Variants in TRPC4AP observed in about 807,000 individuals in gnomAD.
TRPC4AP encodes the protein short transient receptor potential channel 4-associated protein.
Under a neutral mutation model 99.0 loss-of-function variants are expected in TRPC4AP, and 45 were observed. The ratio of observed to expected loss-of-function variants is 0.45; its 90% CI spans 0.36 to 0.58. TRPC4AP has a LOEUF of 0.58. Among genes scored for constraint, TRPC4AP ranks in the 20% least tolerant of loss-of-function variants. The pLI, the probability that TRPC4AP is intolerant of heterozygous loss-of-function variation, is 0.00. For synonymous variants in TRPC4AP, 408 were observed against 385.8 expected (o/e 1.06, Z -0.67); for missense variants, 879 against 985.3 (o/e 0.89, Z 1.44).
intron 3 of TRPC4AP, among the ~76,000 whole-genome samples, chr20:35,068,881 G>A (rs1310729473): frequency 1.3e-5 from 2 of 150,802 alleles, no homozygotes; most frequent in African/African-American, 2.4e-5. Context: ...TAGTGTAGCC[G>A]TGTATATGGT....
chr20:35,062,471 T>C (rs1482789798), intron 3 of TRPC4AP, among the ~76,000 whole-genome samples: 1 of 152,208 alleles, frequency 6.6e-6, no homozygotes, highest in Non-Finnish European at 1.5e-5. Context: ...ATGTGGTCTA[T>C]CCATACAGTG....
intron 7 of TRPC4AP, among the ~76,000 whole-genome samples, chr20:35,038,989 G>A (rs531138281): frequency 6.6e-6 from 1 of 152,268 alleles, no homozygotes; most frequent in East Asian, 1.9e-4. Context: ...CACGAGAATC[G>A]CTTGAACCAG....
At chr20:35,060,639 A>G (rs942231057) in intron 3 of TRPC4AP, among the ~76,000 whole-genome samples, 1 of 151,462 alleles carries the variant, frequency 6.6e-6, no homozygotes, top group East Asian at 1.9e-4. Context: ...CCATGACACT[A>G]TGACAAAGTG....
intron 8 of TRPC4AP, among the ~76,000 whole-genome samples, chr20:35,033,597 T>C (rs923968076): frequency 2.6e-5 from 4 of 152,182 alleles, no homozygotes; most frequent in African/African-American, 9.7e-5. Context: ...ATTTTTGAAA[T>C]TGAGCTTTGT....
chr20:35,004,673 G>C, intron 16 of TRPC4AP, 103 bp from the exon 17 acceptor site: 1 of 872,530 alleles, frequency 1.1e-6, no homozygotes, highest in Non-Finnish European at 1.8e-6. Flanking sequence ...CTGAAGCTAG[G>C]AGCTCATCAT....
At chr20:35,082,436 C>T (rs912379577) in intron 1 of TRPC4AP, among the ~76,000 whole-genome samples, 2 of 151,938 alleles carry the variant, frequency 1.3e-5, no homozygotes, top group African/African-American at 4.8e-5. Context: ...TTATAAAATC[C>T]CCATGTTTGG....
chr20:35,091,199 G>C (rs1181294306), intron 1 of TRPC4AP, among the ~76,000 whole-genome samples: 1 of 151,828 alleles, frequency 6.6e-6, no homozygotes, highest in Non-Finnish European at 1.5e-5. Flanking sequence ...CGTGTTGCCT[G>C]GGCTGGTCTC....
chr20:35,042,410 A>G (rs571654283), intron 7 of TRPC4AP, among the ~76,000 whole-genome samples: 2 of 152,228 alleles, frequency 1.3e-5, no homozygotes, highest in African/African-American at 2.4e-5. Flanking sequence ...TCAGGAGAGG[A>G]GGCTGCTCTG....
chr20:35,048,340 T>A (rs1036743384), intron 6 of TRPC4AP, among the ~76,000 whole-genome samples: 2 of 151,934 alleles, frequency 1.3e-5, no homozygotes, highest in East Asian at 3.9e-4. Context: ...GCCTCCCAAG[T>A]AGCTGGGACT....
intron 2 of TRPC4AP, 46 bp downstream of exon 2, chr20:35,078,000 C>T (rs374714604): frequency 6.5e-7 from 1 of 1,531,206 alleles, no homozygotes; most frequent in Non-Finnish European, 8.8e-7. Context: ...CATCTTGTGT[C>T]ACCTAGAGGC....
chr20:35,036,175 G>C (rs1187339032), intron 7 of TRPC4AP, among the ~76,000 whole-genome samples: 1 of 152,196 alleles, frequency 6.6e-6, no homozygotes, highest in Admixed American at 6.5e-5. Context: ...GGGAGATCCA[G>C]ATTCAAATCC....
chr20:35,074,587 A>G (rs1323606913), intron 2 of TRPC4AP, among the ~76,000 whole-genome samples: 1 of 152,154 alleles, frequency 6.6e-6, no homozygotes, highest in Admixed American at 6.5e-5. Flanking sequence ...GTTTTGAGTG[A>G]GTTTCTTAAT....
chr20:35,084,534 A>ATG (rs1354280173), intron 1 of TRPC4AP, among the ~76,000 whole-genome samples: 31 of 147,828 alleles, frequency 2.1e-4, no homozygotes, highest in African/African-American at 7.2e-4. Context: ...ATATATGTAT[A>ATG]TATGTATATG....
chr20:35,077,228 C>T (rs778490070), intron 2 of TRPC4AP, among the ~76,000 whole-genome samples: 1 of 152,146 alleles, frequency 6.6e-6, no homozygotes, highest in Non-Finnish European at 1.5e-5. Context: ...GAGGCAATGC[C>T]CCGCCCTGCT....
chr20:35,014,302 G>A (rs957439161), intron 10 of TRPC4AP, among the ~76,000 whole-genome samples: 1 of 148,254 alleles, frequency 6.7e-6, no homozygotes, highest in Non-Finnish European at 1.5e-5. Context: ...TGGCTAGAGG[G>A]CCTCAGGCAG....
chr20:35,061,307 A>G (rs545791025), intron 3 of TRPC4AP, among the ~76,000 whole-genome samples: 8 of 152,378 alleles, frequency 5.3e-5, no homozygotes, highest in African/African-American at 1.7e-4. Flanking sequence ...TTGTACAACA[A>G]AACATTTTTG....
chr20:35,014,405 C>T lies in TRPC4AP; in HGVS notation c.1351-1339G>A, dbSNP rs181014942. On this transcript the variant is annotated intron_variant, in intron 10 of 18. Transcript: ENST00000252015. The stretch of plus-strand genomic sequence containing the variant: ...TGATCTCAGCTCACTGCAACCTCTG[C>T]CTCCTGGGTTCAAGCAATTCTGGTG... Among the ~76,000 whole-genome samples the T allele has an allele frequency of 4.8e-3, 726 of 149,880 alleles. 4 individuals are homozygous for T. The highest frequency in any genetic ancestry group is 0.016 in the African/African-American group (638 of 40,392).
intron 8 of TRPC4AP, among the ~76,000 whole-genome samples, chr20:35,023,636 G>C (rs1488443201): frequency 6.6e-6 from 1 of 152,196 alleles, no homozygotes; most frequent in Non-Finnish European, 1.5e-5. Flanking sequence ...CCAGCTTCCA[G>C]AACAGTTAAG....
At position 35,031,390 on chromosome 20, in the gene TRPC4AP, C is replaced by CTTTT. The variant is rs71299218; in HGVS notation, c.1051+3729_1051+3732dup. Among the ~76,000 whole-genome samples, 235 of 73,652 alleles carry CTTTT rather than the reference C, an allele frequency of 3.2e-3. 11 individuals are homozygous for CTTTT. The highest frequency in any genetic ancestry group is 0.012 in the African/African-American group (208 of 17,060). 48.3% of individuals were successfully genotyped at this position (73,652 alleles called of 152,430 possible). On this transcript the variant is annotated intron_variant, in intron 8 of 18. Transcript: ENST00000252015. Reference sequence around the variant, plus strand: ...GGTGTGCACTACTACCCCTGGTTAACTTTTTTTTTTTTTTTTTTTTTTTTT... The same window carrying CTTTT: ...GGTGTGCACTACTACCCCTGGTTAACTTTTTTTTTTTTTTTTTTTTTTTTTTTTT...
Sources: allele counts gnomAD v4.1 joint callset (sites outside exome capture counted in the v4.1 genomes callset), GRCh38; gene constraint gnomAD v4.1.1; transcripts MANE v1.5; gene names NCBI Gene and HGNC (gene_info 2026-07-23, HGNC 2026-07-21).